Variants in LSAMP observed in about 807,000 individuals in gnomAD.
The protein encoded by LSAMP is limbic system associated membrane protein.
Under a neutral mutation model 38.6 loss-of-function variants are expected in LSAMP, and 7 were observed. The observed-to-expected ratio is 0.18, with a 90% confidence interval of 0.10 to 0.34. The LOEUF is 0.34. Among genes scored for constraint, LSAMP ranks in the 10% least tolerant of loss-of-function variants. LSAMP has a pLI of 1.00. For missense variants in LSAMP, 313 were observed against 420.0 expected (o/e 0.75, Z 2.23); for synonymous variants, 154 against 166.8 (o/e 0.92, Z 0.59).
intron 1 of LSAMP, among the ~76,000 whole-genome samples, chr3:116,400,011 A>G (rs2048817757): frequency 6.6e-6 from 1 of 152,196 alleles, no homozygotes; most frequent in Admixed American, 6.5e-5. Flanking sequence ...GTTCTGGTAT[A>G]AATATTTTTG....
chr3:116,416,456 T>A (rs1461989700), intron 1 of LSAMP, among the ~76,000 whole-genome samples: 1 of 152,056 alleles, frequency 6.6e-6, no homozygotes, highest in African/African-American at 2.4e-5. Flanking sequence ...AGAAGCAAAA[T>A]GGGGATAAAA....
At chr3:116,411,587 A>G (rs1402471692) in intron 1 of LSAMP, among the ~76,000 whole-genome samples, 4 of 130,686 alleles carry the variant, frequency 3.1e-5, no homozygotes, top group Non-Finnish European at 4.7e-5. Flanking sequence ...GAGAACACAC[A>G]GACACAGGAA....
chr3:116,043,277 T>G (rs971252336), intron 2 of LSAMP, among the ~76,000 whole-genome samples: 1 of 152,210 alleles, frequency 6.6e-6, no homozygotes, highest in Non-Finnish European at 1.5e-5. Context: ...ATTTAGGTGA[T>G]TGCAGACAAG....
At chr3:116,001,138 C>T (rs868603080) in intron 3 of LSAMP, among the ~76,000 whole-genome samples, 5 of 151,302 alleles carry the variant, frequency 3.3e-5, no homozygotes, top group African/African-American at 1.2e-4. Flanking sequence ...ATGATTACCC[C>T]GAGGCAGTGC....
In LSAMP at chr3:115,821,218, T is replaced by TA. The variant is rs1934227290; in HGVS notation, c.920-10805_920-10804insT. On this transcript the variant is annotated intron_variant, in intron 6 of 6. Transcript: ENST00000490035. ...GATGCTCCATTGGAAACTCTACAGT[T>TA]TATAGTTTGGGAACTCCCTCATTAT... Among the ~76,000 whole-genome samples the TA allele has an allele frequency of 3.3e-5, 5 of 152,302 alleles. No individual in the cohort carries two copies. The South Asian group carries it at 6.2e-4, about 19-fold the overall frequency.
intron 3 of LSAMP, among the ~76,000 whole-genome samples, chr3:115,999,117 C>T (rs1297898051): frequency 1.3e-5 from 2 of 152,112 alleles, no homozygotes; most frequent in South Asian, 2.1e-4. Context: ...CCTTGAAAAG[C>T]GATGCCAGGA....
chr3:116,198,419 T>C (rs907268338), intron 1 of LSAMP, among the ~76,000 whole-genome samples: 1 of 152,108 alleles, frequency 6.6e-6, no homozygotes, highest in African/African-American at 2.4e-5. Flanking sequence ...ACAAAAAAGA[T>C]TTCTGGGTGG....
intron 4 of LSAMP, among the ~76,000 whole-genome samples, chr3:115,847,304 A>G (rs1935190688): frequency 6.6e-6 from 1 of 152,194 alleles, no homozygotes; most frequent in Non-Finnish European, 1.5e-5. Context: ...GAGGCAGAGG[A>G]TGTAGGCCAT....
At chr3:115,958,523 G>T (rs1225123947) in intron 3 of LSAMP, among the ~76,000 whole-genome samples, 3 of 152,100 alleles carry the variant, frequency 2.0e-5, no homozygotes, top group Non-Finnish European at 2.9e-5. Context: ...GAGAAATGAG[G>T]AGAAAATGGA....
rs1391273414 is a variant in LSAMP, at chr3:116,266,714, G to C, written c.155+178163C>G. Among the ~76,000 whole-genome samples, 4 of 152,100 alleles carry C rather than the reference G, an allele frequency of 2.6e-5. No homozygotes were observed. In the East Asian group the frequency reaches 7.8e-4, roughly 29 times the overall value. ...ATTTCATGCAGAAACAGAGGCAAGG[G>C]CAAGCACACAAGTGTATAGAGAGGT... On this transcript the variant is annotated intron_variant, in intron 1 of 6. Coordinates refer to ENST00000490035, the MANE Select transcript of LSAMP (RefSeq NM_002338.5).
intron 1 of LSAMP, among the ~76,000 whole-genome samples, chr3:116,302,908 C>A (rs915686261): frequency 2.0e-5 from 3 of 152,154 alleles, no homozygotes; most frequent in African/African-American, 4.8e-5. Flanking sequence ...GTAAGTTAGT[C>A]ATATACATTT....
At chr3:116,378,460 G>A (rs567360959) in intron 1 of LSAMP, among the ~76,000 whole-genome samples, 3 of 152,224 alleles carry the variant, frequency 2.0e-5, no homozygotes, top group African/African-American at 7.2e-5. Context: ...CTCTCAAAGA[G>A]TTTAGGTTCC....
chr3:116,192,404 C>T (rs761777421), intron 1 of LSAMP, among the ~76,000 whole-genome samples: 1 of 152,184 alleles, frequency 6.6e-6, no homozygotes. Flanking sequence ...TGCTTCCCTG[C>T]CCAGCCATCC....
At chr3:116,327,072 G>T (rs1033259152) in intron 1 of LSAMP, among the ~76,000 whole-genome samples, 5 of 152,162 alleles carry the variant, frequency 3.3e-5, no homozygotes, top group African/African-American at 1.2e-4. Flanking sequence ...CTACACCAGT[G>T]CTTTTGCACA....
intron 1 of LSAMP, among the ~76,000 whole-genome samples, chr3:116,230,205 C>A (rs1487150078): frequency 6.6e-6 from 1 of 151,874 alleles, no homozygotes; most frequent in Non-Finnish European, 1.5e-5. Context: ...CTTATTGAGT[C>A]TTTCACACTT....
intron 4 of LSAMP, among the ~76,000 whole-genome samples, chr3:115,852,264 G>C (rs910378520): frequency 1.3e-5 from 2 of 152,182 alleles, no homozygotes; most frequent in Non-Finnish European, 2.9e-5. Context: ...GTAGAAAAGG[G>C]TACTGTTAAA....
intron 1 of LSAMP, among the ~76,000 whole-genome samples, chr3:116,295,603 G>A (rs944967205): frequency 6.6e-6 from 1 of 152,186 alleles, no homozygotes; most frequent in African/African-American, 2.4e-5. Context: ...TCTAGTCACA[G>A]TTCTATAGCT....
intron 3 of LSAMP, among the ~76,000 whole-genome samples, chr3:115,944,359 C>T (rs1938027189): frequency 6.6e-6 from 1 of 152,118 alleles, no homozygotes; most frequent in African/African-American, 2.4e-5. Flanking sequence ...TGAAATTCAG[C>T]CTCATGTTTC....
intron 1 of LSAMP, among the ~76,000 whole-genome samples, chr3:116,229,980 A>G (rs1186501777): frequency 6.6e-6 from 1 of 152,204 alleles, no homozygotes; most frequent in Admixed American, 6.5e-5. Context: ...GGGAACAAAG[A>G]AGAATGACTG....
Sources: gnomAD v4.1 joint callset for allele counts (sites outside exome capture counted in the v4.1 genomes callset) on GRCh38, gnomAD v4.1.1 for gene constraint, MANE v1.5 for transcripts, NCBI Gene and HGNC (gene_info 2026-07-23, HGNC 2026-07-21) for gene names.